Variants in CLEC17A observed in about 807,000 individuals in gnomAD.
The protein encoded by CLEC17A is C-type lectin domain family 17, member A.
A neutral mutation model predicts 61.3 loss-of-function variants in CLEC17A; 37 were observed. The observed-to-expected ratio is 0.60, with a 90% confidence interval of 0.46 to 0.79. The LOEUF is 0.79. CLEC17A is among the 30% of genes least tolerant of loss of function. CLEC17A has a pLI of 0.00. For synonymous variants in CLEC17A, 168 were observed against 164.9 expected (o/e 1.02, Z -0.14); for missense variants, 418 against 464.7 (o/e 0.90, Z 0.92).
At chr19:14,588,183 G>A (rs757333025) in intron 3 of CLEC17A, among the ~76,000 whole-genome samples, 1 of 151,910 alleles carries the variant, frequency 6.6e-6, no homozygotes, top group Non-Finnish European at 1.5e-5. Context: ...AGACTGATAA[G>A]TGGTTGTTAA....
rs200596379 is a variant in CLEC17A, at chr19:14,599,759, C to G, written c.689C>G (p.Ala230Gly). The G allele has an allele frequency of 1.9e-6, 3 of 1,613,846 alleles. No homozygotes were observed. ...AGLAGLKHDI[A>G]RVRADTNQSL... is the part of the protein sequence containing the mutation. The stretch of plus-strand genomic sequence containing the variant: ...CTAGCTGGCCTGAAGCATGACATTG[C>G]CCGTGTAAGAGCTGACACCAACCAG... Residue 230 changes from alanine (A) to glycine (G), a missense_variant, in exon 11 of 14, where the codon GCC becomes GGC. Transcript: ENST00000417570.
At chr19:14,583,043 G>C (rs2074201726), upstream of CLEC17A, 1 of 1,059,944 alleles carries the variant, frequency 9.4e-7, no homozygotes, top group East Asian at 2.4e-5. Context: ...GAATTTGCAT[G>C]TATTTGACTT....
intron 8 of CLEC17A, 53 bp from the exon 9 acceptor site, chr19:14,596,823 T>C: frequency 6.3e-7 from 1 of 1,585,644 alleles, no homozygotes; most frequent in South Asian, 1.2e-5. Flanking sequence ...AGTCTCTTCC[T>C]TACTCTCTGA....
chr19:14,598,749 A>G (rs1286657433), intron 10 of CLEC17A, among the ~76,000 whole-genome samples: 3 of 152,128 alleles, frequency 2.0e-5, no homozygotes, highest in African/African-American at 4.8e-5. Context: ...TTCTGGGATT[A>G]TGGGCATGAG....
chr19:14,583,047 T>C, upstream of CLEC17A: 1 of 1,156,094 alleles, frequency 8.6e-7, no homozygotes, highest in Non-Finnish European at 1.3e-6. Flanking sequence ...TTGCATGTAT[T>C]TGACTTTGAA....
chr19:14,591,535 T>C (rs2074418801), intron 3 of CLEC17A, among the ~76,000 whole-genome samples: 1 of 150,884 alleles, frequency 6.6e-6, no homozygotes, highest in Non-Finnish European at 1.5e-5. Context: ...ATGGGGGCTA[T>C]TGTCATTGTT....
intron 4 of CLEC17A, 134 bp from the exon 5 acceptor site, chr19:14,594,383 T>G: frequency 8.7e-7 from 1 of 1,151,160 alleles, no homozygotes; most frequent in Non-Finnish European, 1.3e-6. Flanking sequence ...TAATCCCAAT[T>G]GCATTCTTAC....
At chr19:14,602,814 C>A (rs185293385) in intron 12 of CLEC17A, among the ~76,000 whole-genome samples, 48 of 152,084 alleles carry the variant, frequency 3.2e-4, no homozygotes, top group African/African-American at 9.9e-4. Flanking sequence ...TGGCTCACTG[C>A]AACCTCTGCC....
In CLEC17A at chr19:14,606,861, C is replaced by G. The variant is rs2074890432; in HGVS notation, c.895-132C>G. 1.1e-5 allele frequency: 4 copies of G among 360,906 alleles called. No individual in the cohort carries two copies. The South Asian group carries it at 5.5e-4, about 50-fold the overall frequency. The allele number at this position is 360,906 out of a possible 1,614,324, so 22.4% of individuals were successfully genotyped here. On this transcript the variant is annotated intron_variant, in intron 12 of 13. Transcript: ENST00000417570. ...GAAGACATTGATCCTGTTCTGCATA[C>G]CATGGGGACGGGGACGGGTTGTGGG...
At position 14,583,136 on chromosome 19, in the gene CLEC17A, A is replaced by T; in HGVS notation, c.-25A>T. 1 of 1,613,974 alleles carries T rather than the reference A, an allele frequency of 6.2e-7. No homozygotes were observed. Among genetic ancestry groups the T allele is most frequent in the Non-Finnish European group, 8.5e-7 (1 of 1,179,866 alleles). ...CAGAGGTTGCCAAGCCCTGGCTGCC[A>T]CTTGTCAGGTTCCCTGTGCTAGACA... On this transcript the variant is annotated 5_prime_UTR_variant, in exon 1 of 14. Coordinates refer to ENST00000417570, the MANE Select transcript of CLEC17A (RefSeq NM_001204118.2).
At position 14,592,809 on chromosome 19, in the gene CLEC17A, C is replaced by T. The variant is rs182460592; in HGVS notation, c.277+451C>T. On this transcript the variant is annotated intron_variant, in intron 4 of 13. Coordinates refer to ENST00000417570, the MANE Select transcript of CLEC17A (RefSeq NM_001204118.2). ...CCTCCCGATTAGCTGGGATTGCAGG[C>T]GCCTGCTACCATGCCTGGTTAACTT... 2.2e-3 allele frequency among the ~76,000 whole-genome samples: 341 copies of T among 152,126 alleles called. 2 individuals are homozygous for T. The highest frequency in any genetic ancestry group is 3.9e-3 in the Non-Finnish European group (262 of 67,986).
In CLEC17A at chr19:14,610,045, C is replaced by G. The variant is rs569443282; in HGVS notation, c.1005-19C>G. The stretch of plus-strand genomic sequence containing the variant: ...CCCTAAAGATCCCTGTCCCTCTGCC[C>G]ACTTTTTCCTCCATCCAGCTTCTGG... On this transcript the variant is annotated intron_variant, in intron 13 of 13. Transcript: ENST00000417570. The G allele has an allele frequency of 6.3e-7, 1 of 1,599,840 alleles. No homozygotes were observed. The highest frequency in any genetic ancestry group is 1.1e-5 in the South Asian group (1 of 90,566).
In CLEC17A at chr19:14,596,886, C is replaced by T. The variant is rs1052145117; in HGVS notation, c.456C>T (p.Val152=). ...PLQPSLAATP[V]PWLNQRSGGP... ...ATCCCCACTCCCCAGCAACTCCAGT[C>T]CCCTGGCTCAATCAGAGGTCTGGAG... The change falls in exon 9 of 14, where the codon GTC becomes GTT. Residue 152 remains valine (V), a synonymous_variant. Transcript: ENST00000417570. 2.5e-6 allele frequency: 4 copies of T among 1,609,062 alleles called. No individual in the cohort carries two copies. Among genetic ancestry groups the T allele is most frequent in the Non-Finnish European group, 3.4e-6 (4 of 1,177,936 alleles).
In CLEC17A at chr19:14,605,903, T is replaced by C. The variant is rs184285995; in HGVS notation, c.895-1090T>C. On this transcript the variant is annotated intron_variant, in intron 12 of 13. Transcript: ENST00000417570. ...ATAGACACGCACCACCACGTCTGGC[T>C]AATTTTTAAAAATTTTTGTAGATAT... 2.2e-4 allele frequency among the ~76,000 whole-genome samples: 34 copies of C among 152,236 alleles called. No homozygotes were observed. In the East Asian group the frequency reaches 6.6e-3, roughly 29 times the overall value.
At chr19:14,607,985 C>G (rs1287881940) in intron 13 of CLEC17A, among the ~76,000 whole-genome samples, 1 of 152,122 alleles carries the variant, frequency 6.6e-6, no homozygotes, top group Non-Finnish European at 1.5e-5. Flanking sequence ...ATCCTCCTGC[C>G]TCAGCCTCCC....
chr19:14,583,729 A>G (rs1027301634), intron 2 of CLEC17A, among the ~76,000 whole-genome samples: 2 of 152,152 alleles, frequency 1.3e-5, no homozygotes. Flanking sequence ...AGGGATGAGT[A>G]GACATATCTT....
chr19:14,610,589 CT>C lies in CLEC17A; in HGVS notation c.*397del. ...ACCACAAAGAGCTGGGACTGGGCTC[CT>C]TTTCCTGCAGCCTCAAACTTCTGGG... On this transcript the variant is annotated 3_prime_UTR_variant, in exon 14 of 14. Coordinates refer to ENST00000417570, the MANE Select transcript of CLEC17A (RefSeq NM_001204118.2). 5.4e-6 allele frequency: 1 copy of C among 183,540 alleles called. No homozygotes were observed. The highest frequency in any genetic ancestry group is 1.2e-5 in the Non-Finnish European group (1 of 86,566). 11.4% of individuals were successfully genotyped at this position (183,540 alleles called of 1,614,324 possible).
Position 14,599,806 on chromosome 19 carries a change from T to C in CLEC17A, c.736T>C (p.Leu246=). 6.2e-7 allele frequency: 1 copy of C among 1,612,946 alleles called. No homozygotes were observed. The highest frequency in any genetic ancestry group is 8.5e-7 in the Non-Finnish European group (1 of 1,179,236). The change falls in exon 11 of 14, where the codon TTA becomes CTA. Residue 246 remains leucine (L), a synonymous_variant. Coordinates refer to ENST00000417570, the MANE Select transcript of CLEC17A (RefSeq NM_001204118.2). ...CCAGTCCCTGGTGGAACTTTGGGGC[T>C]TATTAGGTAAGTGAGACTTGGGGAA... ...TNQSLVELWG[L]LDCRRITCPE... is the part of the protein sequence containing the mutation.
intron 1 of CLEC17A, 53 bp downstream of exon 1, chr19:14,583,256 G>A (rs1599523700): frequency 8.1e-6 from 13 of 1,613,486 alleles, no homozygotes; most frequent in East Asian, 2.2e-5. Context: ...AGGACCCAGG[G>A]TACAGAATCC....
Sources: gnomAD v4.1 joint callset for allele counts (sites outside exome capture counted in the v4.1 genomes callset) on GRCh38, gnomAD v4.1.1 for gene constraint, MANE v1.5 for transcripts, NCBI Gene and HGNC (gene_info 2026-07-23, HGNC 2026-07-21) for gene names.